LSAMP: variants seen among roughly 807,000 people sequenced by gnomAD.
LSAMP encodes the protein limbic system associated membrane protein, also known as limbic system-associated membrane protein.
Under a neutral mutation model 38.6 loss-of-function variants are expected in LSAMP, and 7 were observed. The observed-to-expected ratio is 0.18, with a 90% CI of 0.10 to 0.34. LSAMP has a LOEUF of 0.34. LSAMP is among the 10% of genes least tolerant of loss of function. The pLI is 1.00. For missense variants in LSAMP, 313 were observed against 420.0 expected, an observed-to-expected ratio of 0.75 and a Z score of 2.23; for synonymous variants, 154 against 166.8, an observed-to-expected ratio of 0.92 and a Z score of 0.59.
chr3:116,346,471 G>A (rs141468353), intron 1 of LSAMP, among the ~76,000 whole-genome samples: 236 of 152,122 alleles, frequency 1.6e-3, no homozygotes, highest in African/African-American at 5.4e-3. Flanking sequence ...TGAGACCACA[G>A]ACGTGCACCA....
rs754064532 is a variant in LSAMP at position 116,164,761 on chromosome 3, T to TATATATA, written c.156-78206_156-78205insTATATAT. Among the ~76,000 whole-genome samples the TATATATA allele has an allele frequency of 7.8e-4, 32 of 41,120 alleles. 1 individual carries two copies. Among genetic ancestry groups the TATATATA allele is most frequent in the East Asian group, 2.2e-3 (3 of 1,384 alleles). The allele number at this position is 41,120 out of a possible 152,430, so 27.0% of individuals were successfully genotyped here. ...ATATATCCATATATATATATATATATTTTTTTTTTTTTTCAAGTAGCATCT... is the reference window on the plus strand; with the variant it reads ...ATATATCCATATATATATATATATATATATATATTTTTTTTTTTTTCAAGTAGCATCT... On this transcript the variant is annotated intron_variant, in intron 1 of 6. Coordinates refer to ENST00000490035, the MANE Select transcript of LSAMP (RefSeq NM_002338.5).
intron 1 of LSAMP, among the ~76,000 whole-genome samples, chr3:116,099,033 G>C (rs1708287270): frequency 6.6e-6 from 1 of 152,188 alleles, no homozygotes; most frequent in Non-Finnish European, 1.5e-5. Flanking sequence ...AAAGTGAAGG[G>C]AGGTAACTGG....
intron 1 of LSAMP, among the ~76,000 whole-genome samples, chr3:116,402,542 A>C (rs1301959769): frequency 1.3e-5 from 2 of 152,170 alleles, no homozygotes; most frequent in East Asian, 3.9e-4. Flanking sequence ...ATACAGACAT[A>C]ATTATAACCC....
intron 1 of LSAMP, among the ~76,000 whole-genome samples, chr3:116,371,570 G>T (rs2048429596): frequency 6.6e-6 from 1 of 152,018 alleles, no homozygotes; most frequent in Non-Finnish European, 1.5e-5. Flanking sequence ...AAAACCCATG[G>T]TGAACATCAT....
chr3:116,291,658 C>T (rs1221936594), intron 1 of LSAMP, among the ~76,000 whole-genome samples: 1 of 152,148 alleles, frequency 6.6e-6, no homozygotes, highest in South Asian at 2.1e-4. Flanking sequence ...TATAAGTGAG[C>T]TTTGATGGTT....
Position 115,802,675 on chromosome 3 carries a change from G to A in LSAMP, c.*7642C>T, listed in dbSNP as rs1203223211. On this transcript the variant is annotated 3_prime_UTR_variant, in exon 7 of 7. Coordinates refer to ENST00000490035, the MANE Select transcript of LSAMP (RefSeq NM_002338.5). ...TGGCCATGTGTTTGTATCTTCAAGG[G>A]AAGATCAGTTCATGTCTACAGGGCT... 2.0e-5 allele frequency: 3 copies of A among 151,540 alleles called. No homozygotes were observed. Among genetic ancestry groups the A allele is most frequent in the African/African-American group, 4.8e-5 (2 of 41,256 alleles). 9.4% of individuals were successfully genotyped at this position (151,540 alleles called of 1,614,324 possible). A position where few individuals can be genotyped will look rare whatever the true frequency, so the allele number is the denominator to read the frequency against.
intron 3 of LSAMP, among the ~76,000 whole-genome samples, chr3:115,967,544 A>G (rs72957734): frequency 0.27 from 40,547 of 151,900 alleles, 6,551 homozygotes; most frequent in African/African-American, 0.46. Context: ...TTTCAGCAGC[A>G]CCCCACTCCT....
intron 1 of LSAMP, among the ~76,000 whole-genome samples, chr3:116,241,553 G>A (rs1185666070): frequency 3.9e-5 from 6 of 152,148 alleles, no homozygotes; most frequent in African/African-American, 1.4e-4. Context: ...GCAACAGAGT[G>A]AGATTCTGTC....
intron 1 of LSAMP, among the ~76,000 whole-genome samples, chr3:116,111,416 A>G (rs1026130283): frequency 1.3e-5 from 2 of 152,232 alleles, no homozygotes; most frequent in African/African-American, 4.8e-5. Flanking sequence ...TTCTGAGCTC[A>G]TAAATTTTCA....
intron 3 of LSAMP, among the ~76,000 whole-genome samples, chr3:115,965,953 G>A (rs191468325): frequency 6.6e-6 from 1 of 152,240 alleles, no homozygotes; most frequent in East Asian, 1.9e-4. Flanking sequence ...GGCAGAAGCT[G>A]CTAGTTATCT....
intron 2 of LSAMP, among the ~76,000 whole-genome samples, chr3:116,040,304 T>C (rs1342879750): frequency 6.6e-6 from 1 of 152,116 alleles, no homozygotes; most frequent in Non-Finnish European, 1.5e-5. Flanking sequence ...GAATTCAGAA[T>C]GGAAAGCTGA....
intron 1 of LSAMP, among the ~76,000 whole-genome samples, chr3:116,149,799 CTT>C (rs556821575): frequency 1.4e-3 from 209 of 152,080 alleles, no homozygotes; most frequent in African/African-American, 4.9e-3. Flanking sequence ...GAATAAATAT[CTT>C]TCATAAAAGG....
At chr3:116,154,938 T>G (rs1434247296) in intron 1 of LSAMP, among the ~76,000 whole-genome samples, 2 of 152,140 alleles carry the variant, frequency 1.3e-5, no homozygotes, top group East Asian at 3.9e-4. Flanking sequence ...ATATACATAT[T>G]TGGAGTATAT....
chr3:115,840,541 G>A (rs972937033), intron 6 of LSAMP, among the ~76,000 whole-genome samples: 1 of 152,204 alleles, frequency 6.6e-6, no homozygotes, highest in Non-Finnish European at 1.5e-5. Flanking sequence ...TATGGAGGCA[G>A]CATTTGTATA....
chr3:115,901,388 C>T (rs1444157120), intron 3 of LSAMP, among the ~76,000 whole-genome samples: 2 of 152,046 alleles, frequency 1.3e-5, no homozygotes, highest in South Asian at 2.1e-4. Flanking sequence ...GCAATTACTC[C>T]CTTGATGTAG....
chr3:116,332,491 G>A (rs2047864210), intron 1 of LSAMP, among the ~76,000 whole-genome samples: 1 of 151,928 alleles, frequency 6.6e-6, no homozygotes, highest in South Asian at 2.1e-4. Context: ...TATAGAATAT[G>A]CACAAAAGAA....
intron 3 of LSAMP, among the ~76,000 whole-genome samples, chr3:115,959,523 G>T (rs544956414): frequency 5.1e-4 from 77 of 152,302 alleles, no homozygotes; most frequent in African/African-American, 1.8e-3. Flanking sequence ...TTTAGGAAAT[G>T]GTTGCTTTTA....
intron 3 of LSAMP, among the ~76,000 whole-genome samples, chr3:115,901,620 G>A (rs1936876495): frequency 6.6e-6 from 1 of 152,116 alleles, no homozygotes; most frequent in South Asian, 2.1e-4. Flanking sequence ...AGTAATCGAA[G>A]TCAGAATATT....
chr3:116,164,572 AAT>A (rs201749997), intron 1 of LSAMP, among the ~76,000 whole-genome samples: 4,420 of 101,998 alleles, frequency 0.043, 370 homozygotes, highest in African/African-American at 0.15. Context: ...CACTAATCCA[AAT>A]ATATATATAT....
Sources: allele counts gnomAD v4.1 joint callset (sites outside exome capture counted in the v4.1 genomes callset), GRCh38; gene constraint gnomAD v4.1.1; transcripts MANE v1.5; gene names NCBI Gene and HGNC (gene_info 2026-07-23, HGNC 2026-07-21).